Variants in SLC4A5 observed in about 807,000 individuals in gnomAD.
SLC4A5 encodes the protein solute carrier family 4 member 5, also known as electrogenic sodium bicarbonate cotransporter 4.
Under a neutral mutation model 120.4 loss-of-function variants are expected in SLC4A5, and 96 were observed. The observed-to-expected ratio is 0.80, with a 90% CI of 0.68 to 0.94. SLC4A5 has a LOEUF of 0.94. Among genes scored for constraint, SLC4A5 ranks in the 40% least tolerant of loss-of-function variants. SLC4A5 has a pLI of 0.00. For synonymous variants in SLC4A5, 550 were observed against 571.1 expected (o/e 0.96, Z 0.53); for missense variants, 1,259 against 1,459.5 (o/e 0.86, Z 2.24).
Position 74,255,968 on chromosome 2 carries a change from C to T in SLC4A5, c.868-36G>A, listed in dbSNP as rs751670838. The stretch of plus-strand genomic sequence containing the variant: ...AGGGGAAACGAGATAGCCAAGGAGA[C>T]TCCCACCTGCTCTCACTCCCTCACT... On this transcript the variant is annotated intron_variant, in intron 12 of 30. Transcript: ENST00000394019. This position sits in a 1 kb window ranked among gnomAD's most constrained non-coding sequence, Gnocchi z 4.0. The T allele has an allele frequency of 1.9e-6, 3 of 1,604,488 alleles. No homozygotes were observed. The highest frequency in any genetic ancestry group is 2.6e-6 in the Non-Finnish European group (3 of 1,172,588).
intron 7 of SLC4A5, among the ~76,000 whole-genome samples, chr2:74,294,540 T>C (rs1183284573): frequency 2.0e-5 from 3 of 152,210 alleles, no homozygotes; most frequent in African/African-American, 7.2e-5. Context: ...GCTCTGCTTT[T>C]TCCTTCCAAG....
chr2:74,233,630 C>A, intron 22 of SLC4A5, 67 bp from the exon 23 acceptor site: 2 of 1,491,178 alleles, frequency 1.3e-6, no homozygotes, highest in African/African-American at 1.4e-5. Context: ...TGTCGCCTGG[C>A]CTGCTGTCCC....
chr2:74,244,363 C>CTTGT (rs1174581197), intron 19 of SLC4A5, among the ~76,000 whole-genome samples: 2 of 151,964 alleles, frequency 1.3e-5, no homozygotes, highest in African/African-American at 2.4e-5. Context: ...AGTTCTTTCG[C>CTTGT]TTGTTTGTTC....
chr2:74,264,985 G>GC, intron 9 of SLC4A5, 119 bp downstream of exon 9: 1 of 1,176,986 alleles, frequency 8.5e-7, no homozygotes, highest in Non-Finnish European at 1.2e-6. Context: ...GCTGGTCTCT[G>GC]CAGAATCAGG....
chr2:74,256,895 G>A (rs1339724003), intron 12 of SLC4A5, among the ~76,000 whole-genome samples: 4 of 152,152 alleles, frequency 2.6e-5, no homozygotes, highest in African/African-American at 7.2e-5. Context: ...GTCCACAGTC[G>A]CTGACACAGT....
chr2:74,241,229 C>T (rs1228928147), intron 20 of SLC4A5, among the ~76,000 whole-genome samples: 2 of 149,210 alleles, frequency 1.3e-5, no homozygotes, highest in Non-Finnish European at 3.0e-5. Flanking sequence ...CTCTACTTCC[C>T]CTTCCTTTGT....
intron 3 of SLC4A5, among the ~76,000 whole-genome samples, chr2:74,335,924 G>A (rs1487614083): frequency 6.6e-6 from 1 of 152,164 alleles, no homozygotes; most frequent in Non-Finnish European, 1.5e-5. Flanking sequence ...AGGGCATTTT[G>A]AATGAAAATG....
chr2:74,234,167 C>CTTT (rs1178720720), intron 22 of SLC4A5, among the ~76,000 whole-genome samples: 2 of 147,152 alleles, frequency 1.4e-5, no homozygotes, highest in Non-Finnish European at 3.0e-5. Context: ...TTTTTTTTTT[C>CTTT]TTTCTTTCTT....
intron 6 of SLC4A5, chr2:74,307,172 G>A: frequency 1.8e-6 from 1 of 559,010 alleles, no homozygotes; most frequent in Admixed American, 2.2e-5. Flanking sequence ...ACTGCATGGT[G>A]ACCACTGTGG....
intron 2 of SLC4A5, among the ~76,000 whole-genome samples, chr2:74,340,466 G>A (rs574424474): frequency 6.6e-6 from 1 of 152,268 alleles, no homozygotes; most frequent in East Asian, 1.9e-4. Context: ...GGGGAAGAGG[G>A]TAGCTTCATC....
chr2:74,316,820 G>C (rs1258536156), intron 5 of SLC4A5, among the ~76,000 whole-genome samples: 2 of 152,194 alleles, frequency 1.3e-5, no homozygotes, highest in African/African-American at 2.4e-5. Context: ...TTGGACAAAA[G>C]ACTGACTTTA....
chr2:74,269,210 A>AT lies in SLC4A5; in HGVS notation c.402-3947dup, dbSNP rs879256091. On this transcript the variant is annotated intron_variant, in intron 8 of 30. Transcript: ENST00000394019. ...GAATAGACCAAAGGATAAGTTCAAA[A>AT]TTTTTTTTTTTTTGAGACGGAGTTT... 1.7e-3 allele frequency among the ~76,000 whole-genome samples: 252 copies of AT among 147,626 alleles called. 1 individual carries two copies. Among genetic ancestry groups the AT allele is most frequent in the African/African-American group, 3.9e-3 (157 of 40,556 alleles).
intron 7 of SLC4A5, among the ~76,000 whole-genome samples, chr2:74,292,115 C>A (rs1158931926): frequency 6.6e-6 from 1 of 152,166 alleles, no homozygotes; most frequent in African/African-American, 2.4e-5. Flanking sequence ...ATAATCACGC[C>A]CCCCTCACTG....
intron 6 of SLC4A5, among the ~76,000 whole-genome samples, chr2:74,310,961 A>AATT (rs142712358): frequency 0.038 from 5,616 of 146,146 alleles, 364 homozygotes; most frequent in African/African-American, 0.13. Flanking sequence ...GTAAGTTGTT[A>AATT]ATTATTATTA....
intron 8 of SLC4A5, among the ~76,000 whole-genome samples, chr2:74,281,215 G>C (rs1046856916): frequency 4.6e-5 from 7 of 152,220 alleles, no homozygotes; most frequent in Non-Finnish European, 1.0e-4. Context: ...TGGCAGGTTC[G>C]TGTTTATGGT....
At chr2:74,250,344 T>C in exon 17 of SLC4A5, 1 of 1,613,854 alleles carries the variant, frequency 6.2e-7, no homozygotes, top group Non-Finnish European at 8.5e-7. Context: ...CGCACACACC[T>C]GATAATTGTC....
chr2:74,316,628 T>A (rs1672973793), intron 5 of SLC4A5, among the ~76,000 whole-genome samples: 1 of 152,200 alleles, frequency 6.6e-6, no homozygotes, highest in Non-Finnish European at 1.5e-5. Context: ...AAGGGTTAAG[T>A]TATACACGCC....
intron 12 of SLC4A5, among the ~76,000 whole-genome samples, chr2:74,257,391 G>A (rs1269373727): frequency 1.3e-5 from 2 of 152,084 alleles, no homozygotes; most frequent in African/African-American, 2.4e-5. Context: ...ATGGTCAGCT[G>A]ATTACTAAGC....
chr2:74,240,982 C>A (rs945940890), intron 20 of SLC4A5, among the ~76,000 whole-genome samples: 3 of 152,056 alleles, frequency 2.0e-5, no homozygotes, highest in African/African-American at 7.2e-5. Context: ...GGGATGCTGG[C>A]TCCTGAAGAC....
Sources: gnomAD v4.1 joint callset for allele counts (sites outside exome capture counted in the v4.1 genomes callset) on GRCh38, gnomAD v4.1.1 for gene constraint, Gnocchi (gnomAD v3.1) non-coding constraint, MANE v1.5 for transcripts, NCBI Gene and HGNC (gene_info 2026-07-23, HGNC 2026-07-21) for gene names.